The following ROBO2 variants were observed in gnomAD, a reference collection of about 807,000 sequenced individuals.
ROBO2 encodes roundabout homolog 2.
ROBO2 carries 53 observed loss-of-function variants against 160.8 expected under a neutral mutation model. That is an observed-to-expected ratio of 0.33 (90% confidence interval 0.26 to 0.41). The LOEUF (loss-of-function observed/expected upper bound fraction) is 0.41. ROBO2 is among the 10% of genes least tolerant of loss of function. The probability of loss-of-function intolerance (pLI) is 1.00; values close to 1 mark genes in which losing one functional copy is unlikely to be tolerated. For synonymous variants in ROBO2, 664 were observed against 611.7 expected (o/e 1.09, Z -1.26); for missense variants, 1,577 against 1,722.4 (o/e 0.92, Z 1.49).
chr3:76,987,109 C>T (rs939685536), intron 2 of ROBO2, among the ~76,000 whole-genome samples: 4 of 152,158 alleles, frequency 2.6e-5, no homozygotes, highest in African/African-American at 9.7e-5. Flanking sequence ...TCGTGATACG[C>T]CACGCCACCA....
chr3:77,242,460 A>G (rs770337260), intron 2 of ROBO2, among the ~76,000 whole-genome samples: 11 of 152,170 alleles, frequency 7.2e-5, no homozygotes, highest in Non-Finnish European at 1.5e-4. Context: ...AAAGAAGCAA[A>G]CATTCTCTAG....
intron 2 of ROBO2, among the ~76,000 whole-genome samples, chr3:76,536,553 C>G (rs923668251): frequency 1.3e-5 from 2 of 152,044 alleles, no homozygotes; most frequent in Non-Finnish European, 2.9e-5. Context: ...TTCAGCCCTT[C>G]AACTAGGCAA....
At chr3:77,219,468 G>GTA (rs34026358) in intron 2 of ROBO2, among the ~76,000 whole-genome samples, 2,741 of 122,196 alleles carry the variant, frequency 0.022, 96 homozygotes, top group African/African-American at 0.074. Context: ...ATGTATCTGT[G>GTA]TATATATATA....
intron 2 of ROBO2, among the ~76,000 whole-genome samples, chr3:77,173,842 G>A (rs1194655525): frequency 6.6e-6 from 1 of 152,018 alleles, no homozygotes; most frequent in Admixed American, 6.6e-5. Context: ...TTCTCATGAG[G>A]TTAGAAACTA....
intron 2 of ROBO2, among the ~76,000 whole-genome samples, chr3:76,668,149 G>C (rs2092124798): frequency 6.6e-6 from 1 of 152,062 alleles, no homozygotes; most frequent in Non-Finnish European, 1.5e-5. Context: ...ATTCAGACTG[G>C]AGTGTAGCGG....
intron 2 of ROBO2, among the ~76,000 whole-genome samples, chr3:75,948,579 A>G (rs1370251473): frequency 2.0e-5 from 3 of 151,978 alleles, no homozygotes; most frequent in Non-Finnish European, 4.4e-5. Flanking sequence ...TTCCTACTTG[A>G]GCCTTCTGGT....
intron 2 of ROBO2, among the ~76,000 whole-genome samples, chr3:76,674,807 A>T (rs1395909845): frequency 6.6e-6 from 1 of 152,130 alleles, no homozygotes; most frequent in African/African-American, 2.4e-5. Flanking sequence ...CTCACTAGCA[A>T]CGCCTTCACA....
chr3:76,054,791 G>T (rs2067779250), intron 2 of ROBO2, among the ~76,000 whole-genome samples: 1 of 152,178 alleles, frequency 6.6e-6, no homozygotes, highest in South Asian at 2.1e-4. Flanking sequence ...TTGGAGAGAA[G>T]AGCAGAGATT....
intron 2 of ROBO2, among the ~76,000 whole-genome samples, chr3:77,303,959 G>A (rs1024776096): frequency 1.6e-4 from 24 of 151,964 alleles, no homozygotes; most frequent in African/African-American, 5.3e-4. Context: ...AATGAAATGC[G>A]GTGTGACAGA....
intron 2 of ROBO2, among the ~76,000 whole-genome samples, chr3:76,245,573 T>C (rs1372138303): frequency 6.6e-6 from 1 of 152,206 alleles, no homozygotes; most frequent in Non-Finnish European, 1.5e-5. Context: ...CTTTCTCTTA[T>C]TTGATGATTT....
At chr3:77,418,906 G>T (rs1448272130) in intron 2 of ROBO2, among the ~76,000 whole-genome samples, 1 of 152,080 alleles carries the variant, frequency 6.6e-6, no homozygotes, top group Non-Finnish European at 1.5e-5. Flanking sequence ...AAAAGGGATG[G>T]TTGCAATCAG....
chr3:76,567,803 A>G (rs1244646162), intron 2 of ROBO2, among the ~76,000 whole-genome samples: 3 of 77,390 alleles, frequency 3.9e-5, no homozygotes, highest in African/African-American at 1.0e-4. Context: ...GTGTGTATAT[A>G]TATATTTTTT....
At chr3:77,331,187 G>A (rs1282976085) in intron 2 of ROBO2, among the ~76,000 whole-genome samples, 1 of 152,170 alleles carries the variant, frequency 6.6e-6, no homozygotes, top group Non-Finnish European at 1.5e-5. Context: ...AGTGTTTCTT[G>A]CTTCCTTGTA....
chr3:75,978,610 T>G (rs1260990688), intron 2 of ROBO2, among the ~76,000 whole-genome samples: 1 of 151,580 alleles, frequency 6.6e-6, no homozygotes, highest in Non-Finnish European at 1.5e-5. Flanking sequence ...AGTATTTGGT[T>G]TTCAGCTTAT....
chr3:76,925,224 A>ATAAT (rs1274216655), intron 2 of ROBO2, among the ~76,000 whole-genome samples: 5 of 101,934 alleles, frequency 4.9e-5, no homozygotes, highest in South Asian at 7.6e-4. Flanking sequence ...AAAAAAAAAA[A>ATAAT]AAAAAAATCT....
chr3:76,539,235 T>G (rs544022517), intron 2 of ROBO2, among the ~76,000 whole-genome samples: 65 of 151,982 alleles, frequency 4.3e-4, no homozygotes, highest in African/African-American at 1.5e-3. Flanking sequence ...AGGATAAATA[T>G]GTAATGCATG....
intron 2 of ROBO2, among the ~76,000 whole-genome samples, chr3:76,457,902 A>T (rs1266502283): frequency 6.6e-6 from 1 of 152,002 alleles, no homozygotes; most frequent in African/African-American, 2.4e-5. Flanking sequence ...GGCGACTGGG[A>T]CACAGGGTAC....
intron 6 of ROBO2, among the ~76,000 whole-genome samples, chr3:77,533,563 GT>G (rs2091899482): frequency 6.6e-6 from 1 of 152,142 alleles, no homozygotes; most frequent in Non-Finnish European, 1.5e-5. Context: ...TTCCTTGGCT[GT>G]TGGACAGGGT....
chr3:76,138,518 T>A (rs1040695495), intron 2 of ROBO2, among the ~76,000 whole-genome samples: 20 of 152,032 alleles, frequency 1.3e-4, no homozygotes, highest in African/African-American at 4.8e-4. Context: ...GAATGGCACA[T>A]TAGCATTTTC....
Sources: allele counts gnomAD v4.1 joint callset (sites outside exome capture counted in the v4.1 genomes callset), GRCh38; gene constraint gnomAD v4.1.1; transcripts MANE v1.5; gene names NCBI Gene and HGNC (gene_info 2026-07-23, HGNC 2026-07-21).